Variants in AK9 observed in about 807,000 individuals in gnomAD.
AK9 encodes adenylate kinase 9, also known as adenylate kinase domain containing 1.
AK9 carries 191 observed loss-of-function variants against 239.6 expected under a neutral mutation model. The ratio of observed to expected loss-of-function variants is 0.80; its 90% CI spans 0.71 to 0.90. AK9 has a LOEUF of 0.90. AK9 is among the 40% of genes least tolerant of loss of function. The pLI is 0.00. For synonymous variants in AK9, 689 were observed against 721.0 expected, an observed-to-expected ratio of 0.96 and a Z score of 0.71; for missense variants, 1,995 against 2,214.7, an observed-to-expected ratio of 0.90 and a Z score of 1.99.
chr6:109,576,148 A>G (rs929137778), intron 20 of AK9, among the ~76,000 whole-genome samples: 1 of 151,960 alleles, frequency 6.6e-6, no homozygotes, highest in African/African-American at 2.4e-5. Flanking sequence ...TTCCTTGGCT[A>G]TGTGGGATCT....
intron 35 of AK9, among the ~76,000 whole-genome samples, chr6:109,504,820 T>C (rs1777953490): frequency 6.6e-6 from 1 of 152,116 alleles, no homozygotes; most frequent in South Asian, 2.1e-4. Flanking sequence ...AAAAAAGAAC[T>C]GTGTGTCCTG....
At chr6:109,677,089 G>T (rs1771866274) in intron 1 of AK9, among the ~76,000 whole-genome samples, 1 of 152,114 alleles carries the variant, frequency 6.6e-6, no homozygotes, top group Non-Finnish European at 1.5e-5. Context: ...AGGCCTACTT[G>T]AGGGTAGAGG....
At chr6:109,641,461 A>C in intron 10 of AK9, 57 bp downstream of exon 10, 1 of 1,414,346 alleles carries the variant, frequency 7.1e-7, no homozygotes, top group Non-Finnish European at 9.8e-7. Context: ...GAGCCACTGC[A>C]CCCTGCCCAC....
intron 3 of AK9, among the ~76,000 whole-genome samples, chr6:109,673,003 A>G (rs989345683): frequency 2.6e-5 from 4 of 152,212 alleles, no homozygotes; most frequent in African/African-American, 9.6e-5. Context: ...TGAAATTCCA[A>G]TGATTTATTT....
chr6:109,566,831 T>A (rs1392130680), intron 21 of AK9, among the ~76,000 whole-genome samples: 2 of 152,136 alleles, frequency 1.3e-5, no homozygotes, highest in African/African-American at 2.4e-5. Flanking sequence ...GAATGACTAC[T>A]GGGTACATAA....
chr6:109,528,009 C>T (rs1780732932), intron 29 of AK9: 1 of 153,118 alleles, frequency 6.5e-6, no homozygotes, highest in Non-Finnish European at 1.5e-5. Flanking sequence ...AAGTGACTTA[C>T]TCAATGTTAT....
At chr6:109,688,668 A>C (rs1483790962) in intron 1 of AK9, among the ~76,000 whole-genome samples, 1 of 152,240 alleles carries the variant, frequency 6.6e-6, no homozygotes, top group South Asian at 2.1e-4. Flanking sequence ...GGAAATTTGC[A>C]CCTCACTTCT....
Position 109,533,309 on chromosome 6 carries a change from T to C in AK9, c.3512A>G (p.Lys1171Arg). ...CTTCCTTTCTAATTTCTTCTTTTGT[T>C]TTAGTTTCCACTTTTCAATTTGGGC... Reference protein sequence around the residue: ...LPAQIEKWKLKQKKKLERKKL... With the variant: ...LPAQIEKWKLRQKKKLERKKL... Residue 1171 changes from lysine to arginine, a missense_variant, in exon 28 of 41, where the codon AAA (lysine) becomes AGA (arginine). Lys to Arg is a conservative substitution (Grantham distance 26). Transcript: ENST00000424296. The C allele has an allele frequency of 6.2e-7, 1 of 1,612,134 alleles. No homozygotes were observed. The highest frequency in any genetic ancestry group is 8.5e-7 in the Non-Finnish European group (1 of 1,179,368).
In AK9 at chr6:109,519,726, T is replaced by C. The variant is rs570127634; in HGVS notation, c.3634-3084A>G. 1.7e-4 allele frequency among the ~76,000 whole-genome samples: 26 copies of C among 151,856 alleles called. No homozygotes were observed. In the South Asian group the frequency reaches 4.8e-3, roughly 28 times the overall value. Reference sequence around the variant, plus strand: ...AGGAGGACTGCTTGAGCCCTGGAGGTTGAGGCTGCAGTGAGCTGTGATGGT... The same window carrying C: ...AGGAGGACTGCTTGAGCCCTGGAGGCTGAGGCTGCAGTGAGCTGTGATGGT... On this transcript the variant is annotated intron_variant, in intron 29 of 40. Transcript: ENST00000424296.
chr6:109,533,638 G>GT (rs1398553452), intron 27 of AK9, among the ~76,000 whole-genome samples, 168 bp from the exon 28 acceptor site: 1 of 151,620 alleles, frequency 6.6e-6, no homozygotes, highest in Non-Finnish European at 1.5e-5. Context: ...AAAAAATACA[G>GT]TAAAAAAAAG....
intron 24 of AK9, among the ~76,000 whole-genome samples, chr6:109,552,782 C>T (rs1348448229): frequency 6.6e-6 from 1 of 152,172 alleles, no homozygotes; most frequent in African/African-American, 2.4e-5. Context: ...TTTGCCCATG[C>T]CTATGTCCTG....
intron 21 of AK9, among the ~76,000 whole-genome samples, chr6:109,567,642 CA>C (rs2128188489): frequency 6.8e-6 from 1 of 147,180 alleles, no homozygotes; most frequent in South Asian, 2.1e-4. Flanking sequence ...GACAGAAAAC[CA>C]AACACCGCAT....
In AK9 at chr6:109,493,425, C is replaced by G. The variant is rs1180543268; in HGVS notation, c.5680G>C (p.Asp1894His). The part of the protein sequence containing the change: ...KEPQFRAIDF[D>H]HKLKTFLSLR... Reference sequence around the variant, plus strand: ...GAGAGAAAGGTCTTTAACTTATGATCAAAGTCAATGGCTCTGAACTGAGGT... The same window carrying G: ...GAGAGAAAGGTCTTTAACTTATGATGAAAGTCAATGGCTCTGAACTGAGGT... Residue 1894 changes from aspartate (D) to histidine (H), a missense_variant, in exon 41 of 41, where the codon GAT (aspartate) becomes CAT (histidine). Physicochemically the swap from Asp to His is moderately conservative, Grantham distance 81. This residue lies in a region of AK9 where 391 missense variants were observed against 456.0 expected (regional missense o/e 0.86). Transcript: ENST00000424296. The G allele has an allele frequency of 2.5e-6, 4 of 1,614,134 alleles. No individual in the cohort carries two copies. The highest frequency in any genetic ancestry group is 3.4e-6 in the Non-Finnish European group (4 of 1,180,032).
chr6:109,605,604 A>G (rs1792749744), intron 17 of AK9, among the ~76,000 whole-genome samples: 1 of 152,088 alleles, frequency 6.6e-6, no homozygotes, highest in Non-Finnish European at 1.5e-5. Context: ...GCAATTTTGG[A>G]GTAAGAAAGA....
intron 29 of AK9, among the ~76,000 whole-genome samples, chr6:109,523,197 A>T (rs1188592223): frequency 6.6e-6 from 1 of 151,970 alleles, no homozygotes; most frequent in African/African-American, 2.4e-5. Flanking sequence ...TGTTGATTTT[A>T]AAAAAATCCT....
In AK9 at chr6:109,629,635, A is replaced by T. The variant is rs891275422; in HGVS notation, c.1254+3288T>A. Among the ~76,000 whole-genome samples the T allele has an allele frequency of 1.3e-3, 193 of 148,128 alleles. 1 individual carries two copies. Among genetic ancestry groups the T allele is most frequent in the African/African-American group, 4.1e-3 (166 of 40,282 alleles). Reference sequence around the variant, plus strand: ...TGTAAATATAAACAGTATTTGAAAAATTTTTTTTTTTTTTTGAGACAGAGT... The same window carrying T: ...TGTAAATATAAACAGTATTTGAAAATTTTTTTTTTTTTTTTGAGACAGAGT... On this transcript the variant is annotated intron_variant, in intron 12 of 40. Coordinates refer to ENST00000424296, the MANE Select transcript of AK9 (RefSeq NM_001145128.3).
rs534333328 is a variant in AK9, at chr6:109,497,545, A to G, written c.5235T>C (p.Pro1745=). 153 of 1,605,300 alleles carry G rather than the reference A, an allele frequency of 9.5e-5. 1 individual carries two copies. In the South Asian group the frequency reaches 1.6e-3, roughly 17 times the overall value. Residue 1745 remains proline, a synonymous_variant, in exon 38 of 41, where the codon CCT becomes CCC. Transcript: ENST00000424296. ...ATTCTAAAGCATAGTTAATGCTACCAGGTACTAGAGCTTCATATCTGGAAG... is the reference window on the plus strand; with the variant it reads ...ATTCTAAAGCATAGTTAATGCTACCGGGTACTAGAGCTTCATATCTGGAAG... ...DGNQRYEALV[P]GSINYALEYH...
intron 35 of AK9, among the ~76,000 whole-genome samples, chr6:109,500,705 A>G (rs1368110354): frequency 6.6e-6 from 1 of 152,188 alleles, no homozygotes; most frequent in Admixed American, 6.5e-5. Flanking sequence ...ATAATTCAGA[A>G]TATTTTAGAT....
chr6:109,655,766 C>T (rs757408231), intron 8 of AK9, among the ~76,000 whole-genome samples: 1 of 152,138 alleles, frequency 6.6e-6, no homozygotes, highest in Non-Finnish European at 1.5e-5. Context: ...ATACCCAGTG[C>T]CAGCCACTTA....
Sources: gnomAD v4.1 joint callset for allele counts (sites outside exome capture counted in the v4.1 genomes callset) on GRCh38, gnomAD v4.1.1 for gene constraint, gnomAD v4.1.1 regional missense constraint, MANE v1.5 for transcripts, NCBI Gene and HGNC (gene_info 2026-07-23, HGNC 2026-07-21) for gene names.